NLGN1: variants seen among roughly 807,000 people sequenced by gnomAD.
The protein encoded by NLGN1 is neuroligin 1, also known as neuroligin-1.
In NLGN1, 12 loss-of-function variants were observed where a neutral mutation model predicts 65.5. The observed-to-expected ratio is 0.18, with a 90% CI of 0.12 to 0.30. The LOEUF (loss-of-function observed/expected upper bound fraction) is 0.30, where lower values mean the gene tolerates loss of function less well. NLGN1 is among the 10% of genes least tolerant of loss of function. The pLI is 1.00. For synonymous variants in NLGN1, 350 were observed against 359.5 expected, an observed-to-expected ratio of 0.97 and a Z score of 0.30; for missense variants, 750 against 1,007.1, an observed-to-expected ratio of 0.74 and a Z score of 3.46.
chr3:173,562,808 C>T (rs1253898810), intron 2 of NLGN1, among the ~76,000 whole-genome samples: 1 of 152,140 alleles, frequency 6.6e-6, no homozygotes, highest in Non-Finnish European at 1.5e-5. Context: ...TGCAGCCTCC[C>T]AGTGAGCCAC....
chr3:173,722,795 A>T (rs918727522), intron 3 of NLGN1, among the ~76,000 whole-genome samples: 1 of 152,196 alleles, frequency 6.6e-6, no homozygotes, highest in Non-Finnish European at 1.5e-5. Flanking sequence ...TGTTGTGAAG[A>T]TCCATTTATT....
At chr3:173,930,102 G>A (rs1007454725) in intron 4 of NLGN1, among the ~76,000 whole-genome samples, 3 of 152,106 alleles carry the variant, frequency 2.0e-5, no homozygotes, top group East Asian at 3.9e-4. Flanking sequence ...TGCTAGTCAC[G>A]GTGAGAAGAG....
At chr3:173,784,908 T>C (rs1188037108) in intron 3 of NLGN1, among the ~76,000 whole-genome samples, 1 of 152,094 alleles carries the variant, frequency 6.6e-6, no homozygotes, top group Non-Finnish European at 1.5e-5. Context: ...TACACAGACA[T>C]ATACACAGAA....
intron 4 of NLGN1, among the ~76,000 whole-genome samples, chr3:174,211,766 G>A (rs983965528): frequency 4.0e-5 from 6 of 151,246 alleles, no homozygotes; most frequent in Non-Finnish European, 7.4e-5. Flanking sequence ...GGCCCCACCA[G>A]AGCAGCTAGA....
intron 3 of NLGN1, among the ~76,000 whole-genome samples, chr3:173,665,740 A>G (rs765089087): frequency 2.0e-5 from 3 of 152,300 alleles, no homozygotes; most frequent in East Asian, 1.9e-4. Context: ...AATTTTACCT[A>G]TGTGGTTTTA....
intron 2 of NLGN1, among the ~76,000 whole-genome samples, chr3:173,546,070 G>C (rs1236898038): frequency 3.3e-5 from 5 of 152,132 alleles, no homozygotes. Context: ...TTCTGCTCAT[G>C]TATCCCAGAA....
At chr3:174,201,053 A>T (rs548016875) in intron 4 of NLGN1, among the ~76,000 whole-genome samples, 94 of 152,134 alleles carry the variant, frequency 6.2e-4, no homozygotes, top group South Asian at 3.1e-3. Flanking sequence ...CCTAGACAAC[A>T]TAATGAAACC....
At chr3:173,668,912 C>G (rs1220921679) in intron 3 of NLGN1, among the ~76,000 whole-genome samples, 1 of 152,186 alleles carries the variant, frequency 6.6e-6, no homozygotes, top group African/African-American at 2.4e-5. Flanking sequence ...GCGTGAGCCA[C>G]TGCACCAGGC....
At chr3:174,287,553 T>A (rs749462767), downstream of NLGN1, among the ~76,000 whole-genome samples, 78 of 151,600 alleles carry the variant, frequency 5.1e-4, 1 homozygote, top group Non-Finnish European at 1.2e-4. Context: ...AGGATGTTAT[T>A]TCTGAGTTCA....
At chr3:173,629,937 T>G (rs1041902036) in intron 3 of NLGN1, among the ~76,000 whole-genome samples, 12 of 152,126 alleles carry the variant, frequency 7.9e-5, no homozygotes, top group Non-Finnish European at 1.8e-4. Flanking sequence ...AAAGATAGTG[T>G]ATGCCAAAAA....
intron 4 of NLGN1, among the ~76,000 whole-genome samples, chr3:173,888,333 T>C (rs895047667): frequency 6.6e-6 from 1 of 152,032 alleles, no homozygotes; most frequent in Non-Finnish European, 1.5e-5. Context: ...CCTAAGCATA[T>C]CCTCCCCTAT....
chr3:173,489,034 CCT>C (rs1728631339), intron 2 of NLGN1, among the ~76,000 whole-genome samples: 2 of 151,596 alleles, frequency 1.3e-5, no homozygotes, highest in African/African-American at 4.8e-5. Flanking sequence ...TTCTCAACCC[CCT>C]GTTCACTCCT....
At chr3:173,495,325 C>A in intron 2 of NLGN1, among the ~76,000 whole-genome samples, 1 of 151,522 alleles carries the variant, frequency 6.6e-6, no homozygotes, top group Admixed American at 6.6e-5. Flanking sequence ...AATTTTTATA[C>A]ATTAATATTG....
At chr3:173,437,071 AAG>A (rs1305856566) in intron 2 of NLGN1, among the ~76,000 whole-genome samples, 1 of 152,232 alleles carries the variant, frequency 6.6e-6, no homozygotes, top group African/African-American at 2.4e-5. Context: ...CATTAGCAAT[AAG>A]AAGCACTACA....
chr3:173,554,057 T>C (rs1245471538), intron 2 of NLGN1, among the ~76,000 whole-genome samples: 1 of 152,182 alleles, frequency 6.6e-6, no homozygotes, highest in Middle Eastern at 3.2e-3. Flanking sequence ...TAATAGCAGT[T>C]GATTCAATTG....
intron 4 of NLGN1, among the ~76,000 whole-genome samples, chr3:173,906,608 G>A (rs943835087): frequency 1.3e-5 from 2 of 152,126 alleles, no homozygotes; most frequent in East Asian, 1.9e-4. Context: ...AGGCAAAACA[G>A]TGGGTGATTC....
chr3:173,515,463 T>A (rs1733668564), intron 2 of NLGN1, among the ~76,000 whole-genome samples: 1 of 152,182 alleles, frequency 6.6e-6, no homozygotes, highest in African/African-American at 2.4e-5. Flanking sequence ...GATCATTTCC[T>A]TTGATTTGCA....
At chr3:174,000,991 A>G (rs1428565411) in intron 4 of NLGN1, among the ~76,000 whole-genome samples, 1 of 152,196 alleles carries the variant, frequency 6.6e-6, no homozygotes, top group Non-Finnish European at 1.5e-5. Context: ...GTGGTACTCC[A>G]GCTGAGTGCA....
chr3:173,996,914 G>T (rs1422358762), intron 4 of NLGN1, among the ~76,000 whole-genome samples: 1 of 152,108 alleles, frequency 6.6e-6, no homozygotes, highest in African/African-American at 2.4e-5. Flanking sequence ...AGGACACCAG[G>T]AATTTCCTTG....
Sources: gnomAD v4.1 joint callset for allele counts (sites outside exome capture counted in the v4.1 genomes callset) on GRCh38, gnomAD v4.1.1 for gene constraint, MANE v1.5 for transcripts, NCBI Gene and HGNC (gene_info 2026-07-23, HGNC 2026-07-21) for gene names.